The following KIAA1328 variants were observed in gnomAD, a reference collection of about 807,000 sequenced individuals.
The protein encoded by KIAA1328 is KIAA1328.
KIAA1328 carries 52 observed loss-of-function variants against 68.1 expected under a neutral mutation model. The observed-to-expected ratio is 0.76, with a 90% CI of 0.61 to 0.96. KIAA1328 has a LOEUF of 0.96. KIAA1328 is among the 40% of genes least tolerant of loss of function. The probability of loss-of-function intolerance (pLI) is 0.00; values close to 1 mark genes in which losing one functional copy is unlikely to be tolerated. For missense variants in KIAA1328, 641 were observed against 677.6 expected (o/e 0.95, Z 0.60); for synonymous variants, 232 against 239.4 (o/e 0.97, Z 0.28).
chr18:36,961,451 A>G (rs550444197), intron 6 of KIAA1328, among the ~76,000 whole-genome samples: 52 of 152,310 alleles, frequency 3.4e-4, no homozygotes, highest in African/African-American at 1.2e-3. Flanking sequence ...ATTCAAATTC[A>G]GGAAATACAG....
chr18:37,222,135 C>T lies in KIAA1328; in HGVS notation c.1642C>T (p.Pro548Ser), dbSNP rs572465468. 3.2e-5 allele frequency: 51 copies of T among 1,611,702 alleles called. No individual in the cohort carries two copies. In the South Asian group the frequency reaches 3.6e-4, roughly 12 times the overall value. The change falls in exon 10 of 10, where the codon CCT becomes TCT. Residue 548 changes from proline (P) to serine (S), a missense_variant. Transcript: ENST00000280020. The part of the protein sequence containing the change: ...AWNHGTFRLS[P>S]LKSTRKKMGM... ...GAATCATGGTACTTTCCGACTCAGT[C>T]CTCTAAAATCAACCCGGAAGAAGAT...
chr18:37,207,678 G>A (rs1366215523), intron 9 of KIAA1328, among the ~76,000 whole-genome samples: 1 of 152,198 alleles, frequency 6.6e-6, no homozygotes, highest in African/African-American at 2.4e-5. Flanking sequence ...GGAATGCCCT[G>A]TGAGGCCACT....
chr18:37,028,108 G>A (rs1365694533), intron 6 of KIAA1328, among the ~76,000 whole-genome samples: 1 of 152,106 alleles, frequency 6.6e-6, no homozygotes, highest in East Asian at 1.9e-4. Flanking sequence ...ATGAAAAAAT[G>A]CCCATGTGTT....
In KIAA1328 at chr18:36,975,980, A is replaced by G. The variant is rs150840302; in HGVS notation, c.576+16545A>G. On this transcript the variant is annotated intron_variant, in intron 6 of 9. Transcript: ENST00000280020. ...CTCTGGATTAGGCATGTCATGGGAT[A>G]TAAACAAAACAGAGAAAGACATAGA... Among the ~76,000 whole-genome samples the G allele has an allele frequency of 1.1e-3, 161 of 152,338 alleles. 2 individuals carry two copies. In the Middle Eastern group the frequency reaches 0.02, roughly 19 times the overall value.
intron 6 of KIAA1328, among the ~76,000 whole-genome samples, chr18:36,986,459 G>A (rs2052930064): frequency 7.3e-6 from 1 of 137,554 alleles, no homozygotes; most frequent in Non-Finnish European, 1.6e-5. Context: ...AAAAGCAATG[G>A]CAACAAAAGC....
At chr18:36,967,397 G>C (rs549949328) in intron 6 of KIAA1328, among the ~76,000 whole-genome samples, 1 of 152,306 alleles carries the variant, frequency 6.6e-6, no homozygotes, top group South Asian at 2.1e-4. Flanking sequence ...TTCCAAATTA[G>C]ATCACAGCTC....
chr18:37,024,591 T>C (rs912208733), intron 6 of KIAA1328, among the ~76,000 whole-genome samples: 8 of 148,340 alleles, frequency 5.4e-5, no homozygotes, highest in African/African-American at 1.2e-4. Context: ...AGTGTTCTTA[T>C]TGTTCAATTC....
At chr18:37,143,830 T>C (rs906048315) in intron 7 of KIAA1328, among the ~76,000 whole-genome samples, 1 of 152,090 alleles carries the variant, frequency 6.6e-6, no homozygotes, top group Non-Finnish European at 1.5e-5. Flanking sequence ...CTTACCTGAA[T>C]TTATTTTTGA....
At chr18:36,985,908 A>T (rs997527035) in intron 6 of KIAA1328, among the ~76,000 whole-genome samples, 9 of 152,202 alleles carry the variant, frequency 5.9e-5, no homozygotes, top group Non-Finnish European at 2.9e-5. Context: ...TATTAAAACC[A>T]CAATTATATA....
chr18:36,848,816 A>G (rs1289060665), intron 4 of KIAA1328, among the ~76,000 whole-genome samples: 1 of 151,132 alleles, frequency 6.6e-6, no homozygotes, highest in Non-Finnish European at 1.5e-5. Flanking sequence ...ATTGCTGAAC[A>G]TGTGATTTTT....
chr18:37,177,597 A>G (rs757283648), intron 9 of KIAA1328, among the ~76,000 whole-genome samples: 18 of 151,900 alleles, frequency 1.2e-4, no homozygotes, highest in Non-Finnish European at 1.8e-4. Flanking sequence ...TCTAGGATGT[A>G]CTGTTCACTT....
At position 37,006,649 on chromosome 18, in the gene KIAA1328, A is replaced by T. The variant is rs369625762; in HGVS notation, c.576+47214A>T. On this transcript the variant is annotated intron_variant, in intron 6 of 9. Transcript: ENST00000280020. ...CATTAACTCGTCATTTACATTAGGT[A>T]TAATGCTATCCCTCCCCGCTCCCCC... Among the ~76,000 whole-genome samples the T allele has an allele frequency of 1.2e-3, 188 of 152,170 alleles. 2 individuals are homozygous for T. The South Asian group carries it at 0.037, about 30-fold the overall frequency.
At chr18:37,061,918 A>G (rs1437287450) in intron 6 of KIAA1328, among the ~76,000 whole-genome samples, 2 of 152,146 alleles carry the variant, frequency 1.3e-5, no homozygotes, top group Non-Finnish European at 2.9e-5. Flanking sequence ...CAGAGTGATA[A>G]ATATAGCTCT....
chr18:37,011,400 T>C (rs1443540907), intron 6 of KIAA1328, among the ~76,000 whole-genome samples: 3 of 152,174 alleles, frequency 2.0e-5, no homozygotes, highest in Admixed American at 2.0e-4. Context: ...GCACTCCAGA[T>C]CCAATCCATC....
At chr18:37,219,634 C>G (rs1385986717) in intron 9 of KIAA1328, among the ~76,000 whole-genome samples, 1 of 152,212 alleles carries the variant, frequency 6.6e-6, no homozygotes, top group Non-Finnish European at 1.5e-5. Flanking sequence ...CCTACTGAGC[C>G]AGGTGTGGTT....
chr18:36,887,581 A>G (rs1454677813), intron 5 of KIAA1328, among the ~76,000 whole-genome samples: 1 of 152,158 alleles, frequency 6.6e-6, no homozygotes, highest in Non-Finnish European at 1.5e-5. Context: ...AAACTTTATG[A>G]GAGCACTCCC....
chr18:37,033,730 G>A lies in KIAA1328; in HGVS notation c.577-33160G>A, dbSNP rs554567598. Among the ~76,000 whole-genome samples, 14 of 152,290 alleles carry A rather than the reference G, an allele frequency of 9.2e-5. No homozygotes were observed. In the East Asian group the frequency reaches 2.7e-3, roughly 29 times the overall value. On this transcript the variant is annotated intron_variant, in intron 6 of 9. Transcript: ENST00000280020. ...TTCTGTGTAGCACTCTCTTTTCTAA[G>A]GATTCTGTCATGCCATTTCTGGCCA...
intron 4 of KIAA1328, among the ~76,000 whole-genome samples, chr18:36,848,670 T>A (rs2047114335): frequency 6.6e-6 from 1 of 150,984 alleles, no homozygotes; most frequent in Non-Finnish European, 1.5e-5. Context: ...CACCATTATG[T>A]ACAATGTAAG....
At chr18:37,195,791 C>T (rs2059993404) in intron 9 of KIAA1328, among the ~76,000 whole-genome samples, 2 of 152,190 alleles carry the variant, frequency 1.3e-5, no homozygotes, top group South Asian at 2.1e-4. Flanking sequence ...TTGGGATCTT[C>T]TGTGGTTCCA....
Sources: gnomAD v4.1 joint callset for allele counts (sites outside exome capture counted in the v4.1 genomes callset) on GRCh38, gnomAD v4.1.1 for gene constraint, MANE v1.5 for transcripts, NCBI Gene and HGNC (gene_info 2026-07-23, HGNC 2026-07-21) for gene names.